Variants in SENP8 observed in about 807,000 individuals in gnomAD.
SENP8 encodes SUMO peptidase family member, NEDD8 specific.
In SENP8, 10 loss-of-function variants were observed where a neutral mutation model predicts 14.4. The ratio of observed to expected loss-of-function variants is 0.69; its 90% confidence interval spans 0.43 to 1.18. The LOEUF is 1.18. Among genes scored for constraint, SENP8 ranks in the 50% most tolerant of loss-of-function variants. SENP8 has a pLI of 0.00. For missense variants in SENP8, 202 were observed against 249.4 expected (o/e 0.81, Z 1.28); for synonymous variants, 94 against 95.5 (o/e 0.98, Z 0.09).
chr15:72,137,579 TTC>T (rs1414445895), intron 1 of SENP8, among the ~76,000 whole-genome samples: 4 of 152,182 alleles, frequency 2.6e-5, no homozygotes, highest in African/African-American at 9.6e-5. Context: ...AGTCTCATGA[TTC>T]TCTGTTTTTA....
intron 1 of SENP8, among the ~76,000 whole-genome samples, chr15:72,131,996 T>C (rs930186102): frequency 3.3e-5 from 5 of 152,226 alleles, no homozygotes; most frequent in African/African-American, 1.2e-4. Flanking sequence ...TTTTCACTCA[T>C]GTTTTTAATT....
intron 1 of SENP8, among the ~76,000 whole-genome samples, chr15:72,127,865 T>G (rs2081234794): frequency 6.6e-6 from 1 of 152,082 alleles, no homozygotes; most frequent in African/African-American, 2.4e-5. Flanking sequence ...GGATGTGAAG[T>G]GTGAAGACAA....
chr15:72,139,967 T>C lies in SENP8; in HGVS notation c.344T>C (p.Phe115Ser). Reference protein sequence around the residue: ...LLVYLQDKNSFFHYDSHSRSN... With the variant: ...LLVYLQDKNSSFHYDSHSRSN... ...GTCTACCTCCAAGATAAAAATAGCT[T>C]TTTTCATTATGATTCCCATAGCAGG... is the stretch of plus-strand genomic sequence containing the variant. Residue 115 changes from phenylalanine (F) to serine (S), a missense_variant, in exon 2 of 2, where the codon TTT (phenylalanine) becomes TCT (serine). Phe to Ser is a radical substitution (Grantham distance 155). Transcript: ENST00000340912. 3 of 1,614,186 alleles carry C rather than the reference T, an allele frequency of 1.9e-6. No homozygotes were observed. The highest frequency in any genetic ancestry group is 2.5e-6 in the Non-Finnish European group (3 of 1,180,030).
chr15:72,126,631 T>TA (rs35854070), intron 1 of SENP8, among the ~76,000 whole-genome samples: 152,266 of 152,270 alleles, frequency 1, 76,131 homozygotes, highest in Middle Eastern at 1. Context: ...TCTCAAAAAA[T>TA]AGGAAAATTT....
Position 72,140,280 on chromosome 15 carries a change from C to T in SENP8, c.*18C>T, listed in dbSNP as rs1028512050. 1.5e-5 allele frequency: 24 copies of T among 1,582,856 alleles called. No homozygotes were observed. Among genetic ancestry groups the T allele is most frequent in the East Asian group, 9.0e-5 (4 of 44,684 alleles). On this transcript the variant is annotated 3_prime_UTR_variant, in exon 2 of 2. Coordinates refer to ENST00000340912, the MANE Select transcript of SENP8 (RefSeq NM_145204.4). ...AAAAGTAGCTATTGAAGTATATTTGCGACTTTTGAAGGCTCCTCTTTCTGC... is the reference window on the plus strand; with the variant it reads ...AAAAGTAGCTATTGAAGTATATTTGTGACTTTTGAAGGCTCCTCTTTCTGC...
chr15:72,126,921 T>C (rs2081226238), intron 1 of SENP8, among the ~76,000 whole-genome samples: 1 of 152,182 alleles, frequency 6.6e-6, no homozygotes. Context: ...GTTCTGCACC[T>C]TTCTCTTTCA....
rs1385694155 is a variant in SENP8, at chr15:72,121,999, G to A, written c.-48+3535G>A. On this transcript the variant is annotated intron_variant, in intron 1 of 1. Transcript: ENST00000340912. ...CCTCAGTCAAACTCCATCTATACCT[G>A]TGAGTCCTACATTTCTGACTTTTAA... 2.0e-5 allele frequency among the ~76,000 whole-genome samples: 3 copies of A among 152,174 alleles called. No individual in the cohort carries two copies. The East Asian group carries it at 5.8e-4, about 29-fold the overall frequency.
At chr15:72,124,731 C>A (rs1268264279) in intron 1 of SENP8, among the ~76,000 whole-genome samples, 4 of 151,790 alleles carry the variant, frequency 2.6e-5, no homozygotes, top group Non-Finnish European at 5.9e-5. Context: ...TTTTATTCCT[C>A]TTCAATATGG....
chr15:72,118,289 A>G (rs2081083173), upstream of SENP8: 1 of 278,026 alleles, frequency 3.6e-6, no homozygotes. Context: ...CCCCGCCCAA[A>G]TTTTTTCTTC....
At chr15:72,129,333 G>A (rs372906733) in intron 1 of SENP8, among the ~76,000 whole-genome samples, 2 of 151,788 alleles carry the variant, frequency 1.3e-5, no homozygotes, top group South Asian at 2.1e-4. Context: ...AGTTCAAGAC[G>A]GCCTGGGCAG....
At chr15:72,136,111 A>G (rs944988446) in intron 1 of SENP8, among the ~76,000 whole-genome samples, 2 of 152,232 alleles carry the variant, frequency 1.3e-5, no homozygotes, top group Admixed American at 1.3e-4. Context: ...CCCATTTGCC[A>G]TAAGGCTAGA....
chr15:72,130,175 A>C (rs2081259680), intron 1 of SENP8, among the ~76,000 whole-genome samples: 1 of 152,208 alleles, frequency 6.6e-6, no homozygotes, highest in Admixed American at 6.5e-5. Context: ...GAGCAAGAAG[A>C]GCGAAATGCC....
At chr15:72,125,187 A>C (rs562492254) in intron 1 of SENP8, among the ~76,000 whole-genome samples, 1 of 152,308 alleles carries the variant, frequency 6.6e-6, no homozygotes, top group African/African-American at 2.4e-5. Flanking sequence ...ATTTCTTAAG[A>C]ATTCCAATAT....
chr15:72,130,735 G>A (rs931250043), intron 1 of SENP8, among the ~76,000 whole-genome samples: 1 of 151,666 alleles, frequency 6.6e-6, no homozygotes, highest in Admixed American at 6.6e-5. Context: ...AGCTAATTTT[G>A]TATTTTTAAT....
chr15:72,133,804 A>C (rs998698537), intron 1 of SENP8, among the ~76,000 whole-genome samples: 1 of 152,130 alleles, frequency 6.6e-6, no homozygotes, highest in Non-Finnish European at 1.5e-5. Context: ...TTCTCACTCT[A>C]TATTGCCACC....
At chr15:72,133,620 T>C (rs2081296949) in intron 1 of SENP8, among the ~76,000 whole-genome samples, 2 of 152,232 alleles carry the variant, frequency 1.3e-5, no homozygotes, top group Non-Finnish European at 2.9e-5. Flanking sequence ...TGTTTGTGCC[T>C]CTTATGGATT....
intron 1 of SENP8, among the ~76,000 whole-genome samples, chr15:72,126,892 C>G (rs1383515167): frequency 6.6e-6 from 1 of 152,130 alleles, no homozygotes; most frequent in African/African-American, 2.4e-5. Flanking sequence ...CAATACCACA[C>G]CCCTAGTTTT....
At chr15:72,129,992 C>T (rs938064295) in intron 1 of SENP8, among the ~76,000 whole-genome samples, 1 of 152,004 alleles carries the variant, frequency 6.6e-6, no homozygotes, top group African/African-American at 2.4e-5. Context: ...TTGAGACCAG[C>T]CTGGCCAACA....
rs2081364014 is a variant in SENP8 at position 72,139,896 on chromosome 15, T to C, written c.273T>C (p.Asn91=). ...PNKRVVFLAI[N]DNSNQAAGGT... is the part of the protein sequence containing the mutation. ...AGAGAGTTGTATTTTTAGCCATCAATGATAACTCCAACCAGGCAGCTGGAG... is the reference window on the plus strand; with the variant it reads ...AGAGAGTTGTATTTTTAGCCATCAACGATAACTCCAACCAGGCAGCTGGAG... The change falls in exon 2 of 2, where the codon AAT becomes AAC. Residue 91 remains asparagine, a synonymous_variant. Transcript: ENST00000340912. 6.2e-7 allele frequency: 1 copy of C among 1,614,252 alleles called. No homozygotes were observed. The highest frequency in any genetic ancestry group is 8.5e-7 in the Non-Finnish European group (1 of 1,180,034).
Sources: allele counts gnomAD v4.1 joint callset (sites outside exome capture counted in the v4.1 genomes callset), GRCh38; gene constraint gnomAD v4.1.1; transcripts MANE v1.5; gene names NCBI Gene and HGNC (gene_info 2026-07-23, HGNC 2026-07-21).